The following RICTOR variants were observed in gnomAD, a reference collection of about 807,000 sequenced individuals.
RICTOR encodes the protein RPTOR independent companion of MTOR complex 2, also known as rapamycin-insensitive companion of mTOR.
Under a neutral mutation model 214.9 loss-of-function variants are expected in RICTOR, and 49 were observed. That is an observed-to-expected ratio of 0.23 (90% CI 0.18 to 0.29). The LOEUF (loss-of-function observed/expected upper bound fraction) is 0.29, where lower values mean the gene tolerates loss of function less well. Ranked by LOEUF, RICTOR falls within the 10% of genes least tolerant of loss-of-function variation. The pLI is 1.00. For missense variants in RICTOR, 1,625 were observed against 2,047.0 expected, an observed-to-expected ratio of 0.79 and a Z score of 3.98; for synonymous variants, 717 against 711.3, an observed-to-expected ratio of 1.01 and a Z score of -0.13.
chr5:39,011,224 CCCCAAGCCTTGG>C (rs1343698312), intron 3 of RICTOR, among the ~76,000 whole-genome samples: 2 of 152,154 alleles, frequency 1.3e-5, no homozygotes, highest in Non-Finnish European at 2.9e-5. Flanking sequence ...ATGGTGCAAG[CCCCAAGCCTTGG>C]CAATTTACAC....
chr5:38,997,785 C>T (rs1385717976), intron 5 of RICTOR, among the ~76,000 whole-genome samples: 1 of 152,192 alleles, frequency 6.6e-6, no homozygotes, highest in Non-Finnish European at 1.5e-5. Flanking sequence ...AATGTCAATC[C>T]CTGGTCTTAC....
chr5:39,010,995 G>C (rs1398904074), intron 3 of RICTOR, among the ~76,000 whole-genome samples: 1 of 152,174 alleles, frequency 6.6e-6, no homozygotes, highest in Non-Finnish European at 1.5e-5. Flanking sequence ...TAAGTAACAA[G>C]GATCTGAATG....
intron 2 of RICTOR, among the ~76,000 whole-genome samples, chr5:39,054,324 G>T (rs1006470593): frequency 6.6e-6 from 1 of 152,132 alleles, no homozygotes; most frequent in African/African-American, 2.4e-5. Context: ...ATGTCTTAGT[G>T]CTGGATAGGT....
At chr5:39,016,002 T>C (rs942959687) in intron 3 of RICTOR, among the ~76,000 whole-genome samples, 1 of 152,124 alleles carries the variant, frequency 6.6e-6, no homozygotes, top group Admixed American at 6.6e-5. Flanking sequence ...GCAGCCAAAA[T>C]AGATTTTATG....
In RICTOR at chr5:38,947,279, T is replaced by C. The variant is rs1441595428; in HGVS notation, c.4299A>G (p.Ile1433Met). The change falls in exon 32 of 38, where the codon ATA becomes ATG. Residue 1433 changes from isoleucine to methionine, a missense_variant. Coordinates refer to ENST00000357387, the MANE Select transcript of RICTOR (RefSeq NM_152756.5). The part of the protein sequence containing the change: ...DYIGLALPVD[I>M]NDIFQVKDIP... Reference sequence around the variant, plus strand: ...ATGATAATACCTGGAATATATCATTTATATCCACCGGGAGAGCAAGACCAA... The same window carrying C: ...ATGATAATACCTGGAATATATCATTCATATCCACCGGGAGAGCAAGACCAA... 6 of 1,610,428 alleles carry C rather than the reference T, an allele frequency of 3.7e-6. No homozygotes were observed. The highest frequency in any genetic ancestry group is 1.3e-5 in the African/African-American group (1 of 74,672).
chr5:38,996,786 A>G, intron 6 of RICTOR, 33 bp downstream of exon 6: 1 of 1,374,608 alleles, frequency 7.3e-7, no homozygotes, highest in Non-Finnish European at 1.0e-6. Context: ...AAAAACCATA[A>G]ATTTGCCTTT....
rs547041236 is a variant in RICTOR at position 39,006,898 on chromosome 5, C to T, written c.196-3276G>A. ...GGTATTCCTTAAAATTCTGATATGACGAACAAAGAGGCCTCAGACTTTCAA... is the reference window on the plus strand; with the variant it reads ...GGTATTCCTTAAAATTCTGATATGATGAACAAAGAGGCCTCAGACTTTCAA... On this transcript the variant is annotated intron_variant, in intron 3 of 37. Transcript: ENST00000357387. Among the ~76,000 whole-genome samples, 7 of 152,120 alleles carry T rather than the reference C, an allele frequency of 4.6e-5. No individual in the cohort carries two copies. In the East Asian group the frequency reaches 5.8e-4, roughly 13 times the overall value.
At chr5:38,996,132 C>T (rs1424829725) in intron 6 of RICTOR, among the ~76,000 whole-genome samples, 8 of 152,090 alleles carry the variant, frequency 5.3e-5, no homozygotes, top group Non-Finnish European at 8.8e-5. Flanking sequence ...TTTATGCAAA[C>T]AAACATATAC....
At chr5:38,990,525 C>CACGATATATACACGATATATACAA (rs1263796203) in intron 7 of RICTOR, among the ~76,000 whole-genome samples, 2 of 145,806 alleles carry the variant, frequency 1.4e-5, no homozygotes, top group South Asian at 4.3e-4. Context: ...GATATATATA[C>CACGATATATACACGATATATACAA]GATATATATA....
chr5:39,053,446 G>C (rs1001270260), intron 2 of RICTOR, among the ~76,000 whole-genome samples: 2 of 152,160 alleles, frequency 1.3e-5, no homozygotes, highest in East Asian at 1.9e-4. Context: ...AACGGCTCAT[G>C]TATCTGCCAA....
At chr5:39,061,650 T>C (rs1758549249) in intron 2 of RICTOR, among the ~76,000 whole-genome samples, 1 of 151,826 alleles carries the variant, frequency 6.6e-6, no homozygotes. Context: ...AAACAATTAT[T>C]GATGTATGCA....
intron 2 of RICTOR, among the ~76,000 whole-genome samples, chr5:39,044,124 T>C (rs1161348705): frequency 6.6e-6 from 1 of 152,188 alleles, no homozygotes; most frequent in Non-Finnish European, 1.5e-5. Flanking sequence ...AATTATTATG[T>C]GTCAATTAAA....
intron 2 of RICTOR, among the ~76,000 whole-genome samples, chr5:39,067,709 T>C (rs143463749): frequency 1.2e-4 from 19 of 152,306 alleles, no homozygotes; most frequent in African/African-American, 3.9e-4. Flanking sequence ...TTTTACACAT[T>C]TATATAATCA....
rs183814639 is a variant in RICTOR at position 39,064,413 on chromosome 5, C to T, written c.97+9698G>A. On this transcript the variant is annotated intron_variant, in intron 2 of 37. Coordinates refer to ENST00000357387, the MANE Select transcript of RICTOR (RefSeq NM_152756.5). ...CAAATAAAATGTAAAAGAAAATATACATCAATCTATTGTGGGAGAGAAAAG... is the reference window on the plus strand; with the variant it reads ...CAAATAAAATGTAAAAGAAAATATATATCAATCTATTGTGGGAGAGAAAAG... 1.0e-3 allele frequency among the ~76,000 whole-genome samples: 156 copies of T among 152,238 alleles called. 2 individuals carry two copies. The highest frequency in any genetic ancestry group is 4.0e-4 in the Non-Finnish European group (27 of 68,014).
intron 17 of RICTOR, 32 bp from the exon 18 acceptor site, chr5:38,962,618 A>C: frequency 8.3e-7 from 1 of 1,208,814 alleles, no homozygotes; most frequent in Non-Finnish European, 1.2e-6. Context: ...AAGAAAAATT[A>C]AGGCAAACTG....
chr5:39,065,221 T>C (rs976271096), intron 2 of RICTOR, among the ~76,000 whole-genome samples: 1 of 152,128 alleles, frequency 6.6e-6, no homozygotes, highest in African/African-American at 2.4e-5. Context: ...ACGAAGCGTG[T>C]GCAGGCATCT....
At chr5:39,045,775 C>T (rs902899155) in intron 2 of RICTOR, among the ~76,000 whole-genome samples, 2 of 152,024 alleles carry the variant, frequency 1.3e-5, no homozygotes, top group Non-Finnish European at 2.9e-5. Context: ...CAGGTGGCTT[C>T]TATGAAGGTA....
chr5:39,017,060 G>A (rs186203755), intron 3 of RICTOR, among the ~76,000 whole-genome samples: 16 of 151,970 alleles, frequency 1.1e-4, no homozygotes, highest in East Asian at 5.8e-4. Flanking sequence ...TTTCTATTAC[G>A]CAACACTATT....
In RICTOR at chr5:38,938,391, A is replaced by C. The variant is rs1488041275; in HGVS notation, c.*3913T>G. ...GTATTTTTGTAACAATTACCTATAA[A>C]ATTTTTTTCACTCCCCCTCTCTGCC... is the stretch of plus-strand genomic sequence containing the variant. On this transcript the variant is annotated 3_prime_UTR_variant, in exon 38 of 38. Coordinates refer to ENST00000357387, the MANE Select transcript of RICTOR (RefSeq NM_152756.5). The C allele has an allele frequency of 4.3e-6, 1 of 230,706 alleles. No individual in the cohort carries two copies. The highest frequency in any genetic ancestry group is 2.2e-5 in the African/African-American group (1 of 45,170). 14.3% of individuals were successfully genotyped at this position (230,706 alleles called of 1,614,324 possible). A position where few individuals can be genotyped will look rare whatever the true frequency, so the allele number is the denominator to read the frequency against.
Sources: gnomAD v4.1 joint callset for allele counts (sites outside exome capture counted in the v4.1 genomes callset) on GRCh38, gnomAD v4.1.1 for gene constraint, MANE v1.5 for transcripts, NCBI Gene and HGNC (gene_info 2026-07-23, HGNC 2026-07-21) for gene names.